ORC3: variants seen among roughly 807,000 people sequenced by gnomAD.
ORC3 encodes homolog of latheo, Drosophila.
ORC3 carries 78 observed loss-of-function variants against 100.7 expected under a neutral mutation model. The observed-to-expected ratio is 0.77, with a 90% CI of 0.65 to 0.94. The LOEUF is 0.94. Ranked by LOEUF, ORC3 falls within the 40% of genes least tolerant of loss-of-function variation. The pLI, the probability that ORC3 is intolerant of heterozygous loss-of-function variation, is 0.00. For missense variants in ORC3, 789 were observed against 823.9 expected (o/e 0.96, Z 0.52); for synonymous variants, 295 against 289.3 (o/e 1.02, Z -0.20).
intron 2 of ORC3, among the ~76,000 whole-genome samples, chr6:87,600,357 G>A (rs769466542): frequency 1.3e-5 from 2 of 152,130 alleles, no homozygotes; most frequent in Non-Finnish European, 2.9e-5. Context: ...TGATATTGGG[G>A]TTGGGGATTT....
intron 16 of ORC3, 36 bp from the exon 17 acceptor site, chr6:87,662,967 C>G (rs1440780286): frequency 6.7e-7 from 1 of 1,491,320 alleles, no homozygotes; most frequent in South Asian, 1.4e-5. Flanking sequence ...TAAACCTGTG[C>G]TTATCTAAAC....
At chr6:87,651,831 A>C (rs908515536) in intron 13 of ORC3, among the ~76,000 whole-genome samples, 1 of 152,122 alleles carries the variant, frequency 6.6e-6, no homozygotes, top group African/African-American at 2.4e-5. Flanking sequence ...TGTCAAATAT[A>C]AGTGAATTAG....
Position 87,612,177 on chromosome 6 carries a change from T to A in ORC3, c.802T>A (p.Ser268Thr). The change falls in exon 8 of 20, where the codon TCA becomes ACA. Residue 268 changes from serine to threonine, a missense_variant. Transcript: ENST00000392844. ...CCACCGATTGCTTCCTCATGCAGTA[T>A]CATCTCTATTGTGCATAGAACTGTT... ...IIHRLLPHAVSSLLCIELFQS... is the reference protein window; with the variant it reads ...IIHRLLPHAVTSLLCIELFQS... 4 of 1,613,330 alleles carry A rather than the reference T, an allele frequency of 2.5e-6. No individual in the cohort carries two copies. Among genetic ancestry groups the A allele is most frequent in the Non-Finnish European group, 3.4e-6 (4 of 1,179,430 alleles).
At position 87,655,675 on chromosome 6, in the gene ORC3, T is replaced by A. The variant is rs180671866; in HGVS notation, c.1517-1231T>A. Reference sequence around the variant, plus strand: ...CCTAATTATTATTATTATTTTTTTTTTTTTTAAATAGAGACAGTGTCTCAC... The same window carrying A: ...CCTAATTATTATTATTATTTTTTTTATTTTTAAATAGAGACAGTGTCTCAC... On this transcript the variant is annotated intron_variant, in intron 14 of 19. Coordinates refer to ENST00000392844, the MANE Select transcript of ORC3 (RefSeq NM_012381.4). Among the ~76,000 whole-genome samples the A allele has an allele frequency of 5.4e-3, 821 of 151,598 alleles. 11 individuals are homozygous for A. Among genetic ancestry groups the A allele is most frequent in the African/African-American group, 0.019 (792 of 41,392 alleles).
In ORC3 at chr6:87,612,169, A is replaced by G. The variant is rs757526059; in HGVS notation, c.794A>G (p.His265Arg). Residue 265 changes from histidine (H) to arginine (R), a missense_variant, in exon 8 of 20, where the codon CAT becomes CGT. Transcript: ENST00000392844. ...SPIIIHRLLPHAVSSLLCIEL... is the reference protein window; with the variant it reads ...SPIIIHRLLPRAVSSLLCIEL... ...ATTATCATCCACCGATTGCTTCCTC[A>G]TGCAGTATCATCTCTATTGTGCATA... 13 of 1,613,010 alleles carry G rather than the reference A, an allele frequency of 8.1e-6. No individual in the cohort carries two copies. The highest frequency in any genetic ancestry group is 3.3e-5 in the Admixed American group (2 of 59,988).
Position 87,660,377 on chromosome 6 carries a change from CAG to C in ORC3, c.1691+2364_1691+2365del, listed in dbSNP as rs1388490012. Among the ~76,000 whole-genome samples the C allele has an allele frequency of 1.4e-4, 21 of 152,266 alleles. No homozygotes were observed. In the East Asian group the frequency reaches 4.0e-3, roughly 29 times the overall value. On this transcript the variant is annotated intron_variant, in intron 16 of 19. Transcript: ENST00000392844. ...AGTCAGCCCTGTGGCAGCTAAAGGC[CAG>C]AGAGGGGCTGTGACTCATGCAAGGT... is the stretch of plus-strand genomic sequence containing the variant.
chr6:87,621,907 G>A, intron 10 of ORC3, 43 bp from the exon 11 acceptor site: 1 of 1,367,430 alleles, frequency 7.3e-7, no homozygotes, highest in Non-Finnish European at 1.0e-6. Flanking sequence ...TATGTTGAAT[G>A]TTTAATTTTC....
intron 14 of ORC3, among the ~76,000 whole-genome samples, chr6:87,654,472 T>A (rs1192813295): frequency 6.6e-6 from 1 of 152,210 alleles, no homozygotes; most frequent in African/African-American, 2.4e-5. Context: ...ATCATTAAGA[T>A]CATTGAGTTC....
intron 13 of ORC3, among the ~76,000 whole-genome samples, chr6:87,648,313 A>G (rs1335552986): frequency 6.6e-6 from 1 of 152,254 alleles, no homozygotes; most frequent in Non-Finnish European, 1.5e-5. Context: ...CTTGTATTAT[A>G]TAACCTCGAA....
chr6:87,607,554 T>C (rs1778431066), intron 5 of ORC3, 119 bp from the exon 6 acceptor site: 3 of 656,512 alleles, frequency 4.6e-6, no homozygotes, highest in Admixed American at 3.5e-5. Flanking sequence ...TGATGGTAAG[T>C]ATAAAAAAAC....
rs1307073118 is a variant in ORC3 at position 87,609,466 on chromosome 6, T to C, written c.713+237T>C. 3 of 351,736 alleles carry C rather than the reference T, an allele frequency of 8.5e-6. No individual in the cohort carries two copies. In the East Asian group the frequency reaches 1.5e-4, roughly 17 times the overall value. The allele number at this position is 351,736 out of a possible 1,614,324, so 21.8% of individuals were successfully genotyped here. On this transcript the variant is annotated intron_variant, in intron 7 of 19. Coordinates refer to ENST00000392844, the MANE Select transcript of ORC3 (RefSeq NM_012381.4). Reference sequence around the variant, plus strand: ...TTAAATTGACATGGTAAGATAGTATTAAATATGGTTTTTCTCACCAAGATT... The same window carrying C: ...TTAAATTGACATGGTAAGATAGTATCAAATATGGTTTTTCTCACCAAGATT...
intron 16 of ORC3, among the ~76,000 whole-genome samples, chr6:87,659,423 T>G (rs1315676870): frequency 6.6e-6 from 1 of 152,076 alleles, no homozygotes; most frequent in Non-Finnish European, 1.5e-5. Flanking sequence ...CTGAATAAAG[T>G]ACTGAGAAAA....
At chr6:87,672,729 T>G in the ORC3 span, among the ~76,000 whole-genome samples, 1 of 152,162 alleles carries the variant, frequency 6.6e-6, no homozygotes, top group African/African-American at 2.4e-5. Context: ...CTGAGAACCT[T>G]CTACCATTTT....
downstream of ORC3, among the ~76,000 whole-genome samples, chr6:87,668,907 T>C (rs1292701259): frequency 4.6e-5 from 7 of 151,624 alleles, no homozygotes; most frequent in East Asian, 9.7e-4. Context: ...CACTTGAACC[T>C]GGGAGGCGGA....
rs779241848 is a variant in ORC3 at position 87,601,878 on chromosome 6, T to A, written c.174T>A (p.Asn58Lys). Reference protein sequence around the residue: ...QLIWQQMKSENERLQEELNKN... With the variant: ...QLIWQQMKSEKERLQEELNKN... ...TATGGCAGCAGATGAAATCTGAAAA[T>A]GAGGTGAATACTTTTTTTAATAATT... The change falls in exon 3 of 20, where the codon AAT becomes AAA. Residue 58 changes from asparagine (N) to lysine (K), a missense_variant. By Grantham distance (94) the Asn-to-Lys change is moderately conservative (BLOSUM62 0). This residue lies in a region of ORC3 where 399 missense variants were observed against 382.0 expected (regional missense o/e 1.04). Transcript: ENST00000392844. The A allele has an allele frequency of 3.5e-5, 55 of 1,571,788 alleles. No individual in the cohort carries two copies. The highest frequency in any genetic ancestry group is 1.7e-5 in the Admixed American group (1 of 59,824).
chr6:87,602,972 C>CACATATATTTT (rs1398124278), intron 3 of ORC3, among the ~76,000 whole-genome samples: 2 of 62,872 alleles, frequency 3.2e-5, no homozygotes, highest in African/African-American at 1.1e-4. Context: ...TATATATATA[C>CACATATATTTT]ATATATATAT....
chr6:87,626,996 A>G (rs1325576362), intron 11 of ORC3, among the ~76,000 whole-genome samples: 1 of 151,226 alleles, frequency 6.6e-6, no homozygotes. Context: ...ATTTATTTTT[A>G]TTTTATTTTA....
At chr6:87,672,933 G>T in the ORC3 span, among the ~76,000 whole-genome samples, 4 of 152,082 alleles carry the variant, frequency 2.6e-5, no homozygotes, top group East Asian at 7.7e-4. Context: ...GGAAGAATAA[G>T]ATGACTATTA....
At chr6:87,641,069 A>G (rs1023137322) in intron 13 of ORC3, among the ~76,000 whole-genome samples, 1 of 151,892 alleles carries the variant, frequency 6.6e-6, no homozygotes, top group African/African-American at 2.4e-5. Flanking sequence ...AGACCTTGCC[A>G]TTGCACTCCA....
Sources: allele counts gnomAD v4.1 joint callset (sites outside exome capture counted in the v4.1 genomes callset), GRCh38; gene constraint gnomAD v4.1.1; regional missense constraint gnomAD v4.1.1; transcripts MANE v1.5; gene names NCBI Gene and HGNC (gene_info 2026-07-23, HGNC 2026-07-21).